The following CACNA1C variants were observed in gnomAD, a reference collection of about 807,000 sequenced individuals.
CACNA1C encodes calcium voltage-gated channel subunit alpha1 C.
Under a neutral mutation model 229.0 loss-of-function variants are expected in CACNA1C, and 30 were observed. That is an observed-to-expected ratio of 0.13 (90% CI 0.10 to 0.18). CACNA1C has a LOEUF of 0.18. Ranked by LOEUF, CACNA1C falls within the 10% of genes least tolerant of loss-of-function variation. CACNA1C has a pLI of 1.00. For missense variants in CACNA1C, 1,658 were observed against 2,845.0 expected (o/e 0.58, Z 9.49); for synonymous variants, 1,114 against 1,132.5 (o/e 0.98, Z 0.33).
intron 21 of CACNA1C, among the ~76,000 whole-genome samples, chr12:2,599,673 G>T (rs924601547): frequency 6.6e-6 from 1 of 152,090 alleles, no homozygotes; most frequent in Non-Finnish European, 1.5e-5. Flanking sequence ...CCCTTCCCAA[G>T]TAATGGTGTA....
intron 3 of CACNA1C, among the ~76,000 whole-genome samples, chr12:2,327,423 A>C (rs2096364274): frequency 1.3e-5 from 2 of 152,186 alleles, no homozygotes; most frequent in Admixed American, 1.3e-4. Context: ...CTTTCTACTC[A>C]AAGAAAATGG....
chr12:2,171,641 A>G (rs10774029), intron 3 of CACNA1C, among the ~76,000 whole-genome samples: 85,064 of 151,974 alleles, frequency 0.56, 26,138 homozygotes, highest in African/African-American at 0.83. Flanking sequence ...GCCCATCAGG[A>G]GTTGTAAATG....
rs755776209 is a variant in CACNA1C, at chr12:2,504,421, C to A, written c.1114-421C>A. On this transcript the variant is annotated intron_variant, in intron 7 of 46. Transcript: ENST00000399655. This position sits in a 1 kb window ranked among gnomAD's most constrained non-coding sequence, Gnocchi z 6.8. ...ATTCTGCTTCTTCTTTCCTAACTTT[C>A]CTTCGTCTTTCCAGATGCAGGACGC... 1.3e-6 allele frequency: 2 copies of A among 1,489,290 alleles called. No homozygotes were observed. The highest frequency in any genetic ancestry group is 3.4e-4 in the Middle Eastern group (2 of 5,834). 92.3% of individuals were successfully genotyped at this position (1,489,290 alleles called of 1,614,324 possible).
At chr12:2,373,909 C>T (rs1042479550) in intron 3 of CACNA1C, among the ~76,000 whole-genome samples, 8 of 152,136 alleles carry the variant, frequency 5.3e-5, no homozygotes, top group African/African-American at 1.7e-4. Flanking sequence ...TTTGTTATGC[C>T]AGCCTTCAAG....
chr12:2,271,587 T>C (rs560708429), intron 3 of CACNA1C, among the ~76,000 whole-genome samples: 4 of 152,268 alleles, frequency 2.6e-5, no homozygotes, highest in South Asian at 4.1e-4. Context: ...AGGGAATTAG[T>C]ATGAAGATTA....
At position 2,149,876 on chromosome 12, in the gene CACNA1C, A is replaced by G. The variant is rs116137113; in HGVS notation, c.477+29446A>G. ...AGAACATCAGCACCTCTAGTAGCCC[A>G]GCAATTTGGATAGCAGGCAGAGTTT... On this transcript the variant is annotated intron_variant, in intron 3 of 46. Transcript: ENST00000399655. Among the ~76,000 whole-genome samples, 1,314 of 152,322 alleles carry G rather than the reference A, an allele frequency of 8.6e-3. 24 individuals are homozygous for G. Among genetic ancestry groups the G allele is most frequent in the African/African-American group, 0.03 (1,244 of 41,564 alleles).
chr12:2,093,658 G>A (rs1010485149), intron 1 of CACNA1C, among the ~76,000 whole-genome samples: 7 of 152,316 alleles, frequency 4.6e-5, no homozygotes, highest in Admixed American at 1.3e-4. Context: ...CCCTCATCGC[G>A]GAGCACTTTA....
chr12:2,429,130 G>A (rs986075029), intron 3 of CACNA1C, among the ~76,000 whole-genome samples: 2 of 151,976 alleles, frequency 1.3e-5, no homozygotes, highest in African/African-American at 2.4e-5. Context: ...GCTTTGCCTC[G>A]GTGGTCACAT....
rs2096149858 is a variant in CACNA1C, at chr12:2,666,862, A to T, written c.4623+80A>T. 3.6e-6 allele frequency: 3 copies of T among 837,774 alleles called. No individual in the cohort carries two copies. The East Asian group carries it at 7.9e-5, about 22-fold the overall frequency. 51.9% of individuals were successfully genotyped at this position (837,774 alleles called of 1,614,324 possible). ...CCCATTTCTTGTGATCCTTTAAGGG[A>T]ATGAACATACTAGTTTATGTGCCTA... On this transcript the variant is annotated intron_variant, in intron 37 of 46. Transcript: ENST00000399655. This position sits in a 1 kb window ranked among gnomAD's most constrained non-coding sequence, Gnocchi z 5.3.
At chr12:2,104,696 G>C (rs1044652131) in intron 1 of CACNA1C, among the ~76,000 whole-genome samples, 2 of 152,092 alleles carry the variant, frequency 1.3e-5, no homozygotes, top group Non-Finnish European at 2.9e-5. Context: ...CGTAATCTCT[G>C]CTGCCACACT....
chr12:2,570,411 C>T (rs924358296), intron 13 of CACNA1C, among the ~76,000 whole-genome samples: 10 of 151,740 alleles, frequency 6.6e-5, no homozygotes, highest in African/African-American at 1.9e-4. Context: ...GTGGATGGTC[C>T]GGGGAGGTAG....
chr12:1,981,893 G>A (rs1176763486), intron 1 of CACNA1C, among the ~76,000 whole-genome samples: 1 of 152,160 alleles, frequency 6.6e-6, no homozygotes, highest in African/African-American at 2.4e-5. Flanking sequence ...TTAAAAGCAT[G>A]CAGGTAAGAG....
chr12:2,669,719 C>T (rs1350313287), intron 38 of CACNA1C, among the ~76,000 whole-genome samples: 1 of 152,222 alleles, frequency 6.6e-6, no homozygotes, highest in Non-Finnish European at 1.5e-5. Flanking sequence ...TGGAGGTCAT[C>T]GCACACATTG....
chr12:2,681,965 G>C (rs113722042), intron 42 of CACNA1C: 1 of 1,604,998 alleles, frequency 6.2e-7, no homozygotes, highest in African/African-American at 1.3e-5. Flanking sequence ...GGCACGTTCC[G>C]ATGTGTGAGG....
chr12:2,605,605 C>A lies in CACNA1C; in HGVS notation c.3049-74C>A. 8 of 1,078,978 alleles carry A rather than the reference C, an allele frequency of 7.4e-6. No homozygotes were observed. In the Admixed American group the frequency reaches 1.1e-4, roughly 14 times the overall value. The allele number at this position is 1,078,978 out of a possible 1,614,324, so 66.8% of individuals were successfully genotyped here. ...ACTCCCCGTTGTGGCAAACGGGCTGCCCCTGCTACCTCCTGGAAAGGCTCC... is the reference window on the plus strand; with the variant it reads ...ACTCCCCGTTGTGGCAAACGGGCTGACCCTGCTACCTCCTGGAAAGGCTCC... On this transcript the variant is annotated intron_variant, in intron 23 of 46. Coordinates refer to ENST00000399655, the MANE Select transcript of CACNA1C (RefSeq NM_000719.7). The surrounding 1 kb of genome is among the most constrained non-coding windows in gnomAD (Gnocchi z 6.2).
Position 2,581,121 on chromosome 12 carries a change from G to A in CACNA1C, c.1896-469G>A, listed in dbSNP as rs968641584. 3.5e-4 allele frequency among the ~76,000 whole-genome samples: 54 copies of A among 152,156 alleles called. 1 individual carries two copies. Among genetic ancestry groups the A allele is most frequent in the Non-Finnish European group, 7.3e-5 (5 of 68,040 alleles). On this transcript the variant is annotated intron_variant, in intron 13 of 46. Transcript: ENST00000399655. ...GTGGGGGAAAAAAAGCTTTCTTTCT[G>A]TTTAGAGACCAACAGTGACAACAAT...
At chr12:2,516,520 C>A (rs2099797212) in intron 9 of CACNA1C, among the ~76,000 whole-genome samples, 1 of 152,140 alleles carries the variant, frequency 6.6e-6, no homozygotes, top group South Asian at 2.1e-4. Flanking sequence ...CAGGTGCCTG[C>A]TGCCTCAGGA....
chr12:2,159,116 A>G lies in CACNA1C; in HGVS notation c.477+38686A>G, dbSNP rs1597629494. On this transcript the variant is annotated intron_variant, in intron 3 of 46. Coordinates refer to ENST00000399655, the MANE Select transcript of CACNA1C (RefSeq NM_000719.7). ...AGGAATTGAAAGCTTATTGTTGTTGAGGGGCAGGTTGGGGAGGGGGGTAAG... is the reference window on the plus strand; with the variant it reads ...AGGAATTGAAAGCTTATTGTTGTTGGGGGGCAGGTTGGGGAGGGGGGTAAG... Among the ~76,000 whole-genome samples the G allele has an allele frequency of 2.0e-5, 3 of 152,118 alleles. No individual in the cohort carries two copies. In the East Asian group the frequency reaches 5.8e-4, roughly 29 times the overall value.
intron 9 of CACNA1C, among the ~76,000 whole-genome samples, chr12:2,549,361 G>A (rs1469302506): frequency 6.6e-6 from 1 of 152,094 alleles, no homozygotes; most frequent in Non-Finnish European, 1.5e-5. Flanking sequence ...CATGGCTCTG[G>A]GGATGGCCAT....
Sources: gnomAD v4.1 joint callset for allele counts (sites outside exome capture counted in the v4.1 genomes callset) on GRCh38, gnomAD v4.1.1 for gene constraint, Gnocchi (gnomAD v3.1) non-coding constraint, MANE v1.5 for transcripts, NCBI Gene and HGNC (gene_info 2026-07-23, HGNC 2026-07-21) for gene names.